Variants in SYNJ2 observed in about 807,000 individuals in gnomAD.
The protein encoded by SYNJ2 is synaptojanin 2, also known as polyphosphatidylinositol phosphatase SYNJ2.
Under a neutral mutation model 141.3 loss-of-function variants are expected in SYNJ2, and 116 were observed. The ratio of observed to expected loss-of-function variants is 0.82; its 90% confidence interval spans 0.71 to 0.96. The LOEUF is 0.96. Ranked by LOEUF, SYNJ2 falls within the 40% of genes least tolerant of loss-of-function variation. The pLI is 0.00. For synonymous variants in SYNJ2, 745 were observed against 777.7 expected (o/e 0.96, Z 0.70); for missense variants, 1,873 against 1,934.8 (o/e 0.97, Z 0.60).
At chr6:158,065,572 AAAAGTAGGGG>A (rs1265761904) in intron 11 of SYNJ2, among the ~76,000 whole-genome samples, 2 of 152,206 alleles carry the variant, frequency 1.3e-5, no homozygotes, top group East Asian at 3.8e-4. Context: ...GGTCTCATGG[AAAAGTAGGGG>A]AAACCCAGCA....
chr6:158,052,652 A>T (rs1419937503), intron 5 of SYNJ2, among the ~76,000 whole-genome samples: 1 of 152,284 alleles, frequency 6.6e-6, no homozygotes, highest in East Asian at 1.9e-4. Context: ...ATTCATTACC[A>T]TGGGGTTGTC....
chr6:157,995,998 A>G (rs1351873715), intron 1 of SYNJ2, among the ~76,000 whole-genome samples: 2 of 152,218 alleles, frequency 1.3e-5, no homozygotes, highest in Admixed American at 6.5e-5. Context: ...CATCAACACT[A>G]TAGAGATGGC....
chr6:158,059,036 T>C (rs555908218), intron 6 of SYNJ2, among the ~76,000 whole-genome samples: 6 of 152,260 alleles, frequency 3.9e-5, no homozygotes, highest in Non-Finnish European at 8.8e-5. Flanking sequence ...TCCAAACAAA[T>C]GTAGAAGTCT....
chr6:158,057,275 G>A (rs374276111), intron 6 of SYNJ2, among the ~76,000 whole-genome samples: 38 of 152,316 alleles, frequency 2.5e-4, no homozygotes, highest in African/African-American at 8.4e-4. Flanking sequence ...GAAGAAGCCC[G>A]TATGATGCCG....
chr6:158,038,793 AG>A (rs566188336), intron 4 of SYNJ2, among the ~76,000 whole-genome samples: 1 of 152,344 alleles, frequency 6.6e-6, no homozygotes, highest in African/African-American at 2.4e-5. Flanking sequence ...TACTTCCGAT[AG>A]GTGGTGTTCG....
chr6:158,021,232 G>A (rs964257064), intron 2 of SYNJ2, among the ~76,000 whole-genome samples: 2 of 152,204 alleles, frequency 1.3e-5, no homozygotes, highest in African/African-American at 4.8e-5. Context: ...TACGCAACCT[G>A]TGAAGCTGTA....
chr6:158,055,139 A>G, intron 6 of SYNJ2, 111 bp downstream of exon 6: 1 of 1,103,036 alleles, frequency 9.1e-7, no homozygotes, highest in Non-Finnish European at 1.3e-6. Context: ...CTGAACCCTG[A>G]ATCTAAAGCT....
intron 3 of SYNJ2, among the ~76,000 whole-genome samples, chr6:158,032,037 A>G (rs757868702): frequency 2.0e-5 from 3 of 152,144 alleles, no homozygotes; most frequent in Admixed American, 2.0e-4. Flanking sequence ...GAAGAGGGAC[A>G]TGTGTTTTTG....
intron 2 of SYNJ2, among the ~76,000 whole-genome samples, chr6:158,019,727 C>A (rs1335876469): frequency 6.6e-6 from 1 of 152,132 alleles, no homozygotes; most frequent in Non-Finnish European, 1.5e-5. Flanking sequence ...TGAGAGTCAC[C>A]CCCCGGAGTG....
chr6:158,069,285 G>A (rs950589597), intron 13 of SYNJ2, among the ~76,000 whole-genome samples: 11 of 152,136 alleles, frequency 7.2e-5, no homozygotes, highest in African/African-American at 2.7e-4. Context: ...TGACTCTGTG[G>A]GGCTGCTATG....
Position 158,095,986 on chromosome 6 carries a change from A to G in SYNJ2, c.4113A>G (p.Pro1371=), listed in dbSNP as rs149410492. 6.2e-7 allele frequency: 1 copy of G among 1,613,424 alleles called. No homozygotes were observed. Among genetic ancestry groups the G allele is most frequent in the Non-Finnish European group, 8.5e-7 (1 of 1,179,976 alleles). Reference sequence around the variant, plus strand: ...GCAGTGACAGCCCCTCTGGGCACCCACCTGCCGCGGGCACCGTCTTCCCAC... The same window carrying G: ...GCAGTGACAGCCCCTCTGGGCACCCGCCTGCCGCGGGCACCGTCTTCCCAC... The part of the protein sequence containing the change: ...YNSSDSPSGH[P]PAAGTVFPQG... Residue 1371 remains proline (P), a synonymous_variant, in exon 27 of 27, where the codon CCA becomes CCG. Transcript: ENST00000355585.
intron 12 of SYNJ2, chr6:158,067,355 T>C (rs1449541103): frequency 9.1e-6 from 8 of 880,576 alleles, no homozygotes; most frequent in Non-Finnish European, 4.1e-6. Context: ...GAACAGCTCA[T>C]CCCTGCCTCT....
At chr6:158,088,960 T>C (rs1265462065) in intron 24 of SYNJ2, among the ~76,000 whole-genome samples, 188 bp downstream of exon 24, 1 of 152,160 alleles carries the variant, frequency 6.6e-6, no homozygotes, top group Non-Finnish European at 1.5e-5. Flanking sequence ...TATGGAGTGT[T>C]CTAGAAAAAA....
chr6:158,093,077 G>GA lies in SYNJ2; in HGVS notation c.3719dup (p.Pro1241AlafsTer17). On this transcript the variant is annotated frameshift_variant, in exon 26 of 27. Transcript: ENST00000355585. LOFTEE classifies it low-confidence loss of function (END_TRUNC). ...CCCCACCCAGAGTTCCTGCCATCAA[G>GA]AAGCCAACCTTGAGAAGGACAGGAA... 6.2e-7 allele frequency: 1 copy of GA among 1,609,150 alleles called. No homozygotes were observed. Among genetic ancestry groups the GA allele is most frequent in the South Asian group, 1.1e-5 (1 of 90,654 alleles).
At chr6:158,078,460 C>A (rs1782463935) in intron 18 of SYNJ2, 179 bp downstream of exon 18, 1 of 440,270 alleles carries the variant, frequency 2.3e-6, no homozygotes, top group Non-Finnish European at 4.1e-6. Flanking sequence ...GACCCACCAC[C>A]AAGAACTAAT....
At chr6:157,989,853 C>T (rs183841516) in intron 1 of SYNJ2, among the ~76,000 whole-genome samples, 8 of 152,190 alleles carry the variant, frequency 5.3e-5, no homozygotes, top group East Asian at 1.9e-4. Flanking sequence ...GAAGTGTCTG[C>T]GGGAGGGTGC....
intron 15 of SYNJ2, 100 bp from the exon 16 acceptor site, chr6:158,074,480 A>G: frequency 7.5e-7 from 1 of 1,324,998 alleles, no homozygotes; most frequent in Non-Finnish European, 1.0e-6. Context: ...TAGCATTTTG[A>G]GAAAAATACT....
chr6:157,982,470 C>T lies in SYNJ2; in HGVS notation c.127+382C>T, dbSNP rs561772270. On this transcript the variant is annotated intron_variant, in intron 1 of 26. Coordinates refer to ENST00000355585, the MANE Select transcript of SYNJ2 (RefSeq NM_003898.4). The surrounding 1 kb of genome is among the most constrained non-coding windows in gnomAD (Gnocchi z 4.0). ...CACCTGTTGATGAAACCAGTGATTGCCCTTTGGTTTGTGTTGGCGGCTCCA... is the reference window on the plus strand; with the variant it reads ...CACCTGTTGATGAAACCAGTGATTGTCCTTTGGTTTGTGTTGGCGGCTCCA... Among the ~76,000 whole-genome samples the T allele has an allele frequency of 1.1e-4, 17 of 152,186 alleles. No individual in the cohort carries two copies. The highest frequency in any genetic ancestry group is 1.9e-4 in the Non-Finnish European group (13 of 68,042).
chr6:158,038,000 C>T (rs1435571414), intron 4 of SYNJ2, among the ~76,000 whole-genome samples: 2 of 152,240 alleles, frequency 1.3e-5, no homozygotes, highest in Non-Finnish European at 2.9e-5. Context: ...GCGCTTGTCT[C>T]CTGTGTTGCC....
Sources: gnomAD v4.1 joint callset for allele counts (sites outside exome capture counted in the v4.1 genomes callset) on GRCh38, gnomAD v4.1.1 for gene constraint, Gnocchi (gnomAD v3.1) non-coding constraint, MANE v1.5 for transcripts, NCBI Gene and HGNC (gene_info 2026-07-23, HGNC 2026-07-21) for gene names.